The following EYA4 variants were observed in gnomAD, a reference collection of about 807,000 sequenced individuals.
EYA4 encodes the protein EYA transcriptional coactivator and phosphatase 4, also known as protein phosphatase EYA4.
A neutral mutation model predicts 87.9 loss-of-function variants in EYA4; 31 were observed. The ratio of observed to expected loss-of-function variants is 0.35; its 90% CI spans 0.27 to 0.48. The LOEUF (loss-of-function observed/expected upper bound fraction) is 0.48, where lower values mean the gene tolerates loss of function less well. Ranked by LOEUF, EYA4 falls within the 20% of genes least tolerant of loss-of-function variation. The pLI is 0.99. For synonymous variants in EYA4, 263 were observed against 270.6 expected (o/e 0.97, Z 0.28); for missense variants, 678 against 761.4 (o/e 0.89, Z 1.29).
At chr6:133,258,819 C>T (rs879555308) in intron 1 of EYA4, among the ~76,000 whole-genome samples, 2 of 152,134 alleles carry the variant, frequency 1.3e-5, no homozygotes, top group Non-Finnish European at 2.9e-5. Context: ...CAAACCACAT[C>T]TTCCTGTAGC....
chr6:133,528,900 T>C lies in EYA4; in HGVS notation c.*95T>C. 6.2e-7 allele frequency: 1 copy of C among 1,601,892 alleles called. No individual in the cohort carries two copies. The highest frequency in any genetic ancestry group is 8.5e-7 in the Non-Finnish European group (1 of 1,173,014). On this transcript the variant is annotated 3_prime_UTR_variant, in exon 20 of 20. Transcript: ENST00000355286. ...CCTCTGGCTCTACACATATAAATTG[T>C]CTTAATGGATGAAATCATATTTGGA...
chr6:133,481,417 T>G (rs748050638), intron 11 of EYA4, 46 bp from the exon 12 acceptor site: 1 of 1,580,112 alleles, frequency 6.3e-7, no homozygotes, highest in East Asian at 2.2e-5. Flanking sequence ...TCATACTTGA[T>G]CTAAAAATGA....
chr6:133,350,333 G>A (rs1244439994), intron 2 of EYA4, among the ~76,000 whole-genome samples: 1 of 152,092 alleles, frequency 6.6e-6, no homozygotes, highest in Non-Finnish European at 1.5e-5. Context: ...TCGTGAAAAA[G>A]ATAATTTTAC....
At chr6:133,469,253 G>A (rs1022514) in intron 11 of EYA4, among the ~76,000 whole-genome samples, 57,281 of 151,840 alleles carry the variant, frequency 0.38, 11,720 homozygotes, top group African/African-American at 0.54. Context: ...TTTGCGACAC[G>A]TAATTTGACA....
Position 133,276,738 on chromosome 6 carries a change from A to G in EYA4, c.33+1925A>G, listed in dbSNP as rs59519765. Among the ~76,000 whole-genome samples the G allele has an allele frequency of 1.1e-4, 17 of 152,264 alleles. No homozygotes were observed. In the East Asian group the frequency reaches 3.3e-3, roughly 29 times the overall value. On this transcript the variant is annotated intron_variant, in intron 2 of 19. Transcript: ENST00000355286. ...ATTCATCTCATAAATGTGCAAAGAGATGCTTAGAACTGTTAAATGACTTGC... is the reference window on the plus strand; with the variant it reads ...ATTCATCTCATAAATGTGCAAAGAGGTGCTTAGAACTGTTAAATGACTTGC...
chr6:133,371,660 T>G (rs1414010381), intron 2 of EYA4, among the ~76,000 whole-genome samples: 1 of 152,194 alleles, frequency 6.6e-6, no homozygotes, highest in South Asian at 2.1e-4. Context: ...AGTTTCAAAA[T>G]TGTATGATCT....
chr6:133,309,784 A>G (rs893339122), intron 2 of EYA4, among the ~76,000 whole-genome samples: 2 of 152,170 alleles, frequency 1.3e-5, no homozygotes, highest in African/African-American at 4.8e-5. Flanking sequence ...TGGAGAGAAG[A>G]TTGCACAATT....
In EYA4 at chr6:133,286,119, C is replaced by A. The variant is rs190005724; in HGVS notation, c.33+11306C>A. On this transcript the variant is annotated intron_variant, in intron 2 of 19. Coordinates refer to ENST00000355286, the MANE Select transcript of EYA4 (RefSeq NM_004100.5). The stretch of plus-strand genomic sequence containing the variant: ...GGCAGTGAGAAGCCCCAGAATGATT[C>A]TTTGGTCTCTGTGTTCTCCTAGGGT... Among the ~76,000 whole-genome samples, 4 of 152,234 alleles carry A rather than the reference C, an allele frequency of 2.6e-5. No homozygotes were observed. In the East Asian group the frequency reaches 7.7e-4, roughly 29 times the overall value.
intron 2 of EYA4, among the ~76,000 whole-genome samples, chr6:133,374,353 C>A (rs2128468149): frequency 6.6e-6 from 1 of 152,076 alleles, no homozygotes; most frequent in Non-Finnish European, 1.5e-5. Flanking sequence ...CTCCCCCAAA[C>A]CAGGGTCCTG....
chr6:133,307,792 G>A (rs1562272278), intron 2 of EYA4, among the ~76,000 whole-genome samples: 1 of 152,148 alleles, frequency 6.6e-6, no homozygotes, highest in Admixed American at 6.6e-5. Context: ...GGAAATTGAA[G>A]ATTTGAAAGG....
intron 2 of EYA4, among the ~76,000 whole-genome samples, chr6:133,356,512 T>G (rs985887218): frequency 6.6e-6 from 1 of 152,178 alleles, no homozygotes; most frequent in Non-Finnish European, 1.5e-5. Context: ...TTATTATTTA[T>G]TATTTATAAC....
At position 133,528,881 on chromosome 6, in the gene EYA4, G is replaced by A; in HGVS notation, c.*76G>A. ...TTTTATGTGTGATTCAATGCCTCTGGCTCTACACATATAAATTGTCTTAAT... is the reference window on the plus strand; with the variant it reads ...TTTTATGTGTGATTCAATGCCTCTGACTCTACACATATAAATTGTCTTAAT... On this transcript the variant is annotated 3_prime_UTR_variant, in exon 20 of 20. Transcript: ENST00000355286. 6.2e-7 allele frequency: 1 copy of A among 1,609,202 alleles called. No homozygotes were observed. The highest frequency in any genetic ancestry group is 8.5e-7 in the Non-Finnish European group (1 of 1,177,054).
In EYA4 at chr6:133,448,145, G is replaced by A; in HGVS notation, c.243G>A (p.Trp81Ter). ...ENMTVLNTAD[W>*]LLSCNTPSSA... ...TGACTGTTTTAAACACAGCAGACTGGTTGCTGAGTTGCAACACCCCCTCTT... is the reference window on the plus strand; with the variant it reads ...TGACTGTTTTAAACACAGCAGACTGATTGCTGAGTTGCAACACCCCCTCTT... Residue 81 changes from tryptophan (W) to a stop codon, truncating the protein, a stop_gained, in exon 5 of 20, where the codon TGG becomes TGA. Coordinates refer to ENST00000355286, the MANE Select transcript of EYA4 (RefSeq NM_004100.5). LOFTEE classifies it high-confidence loss of function. The A allele has an allele frequency of 1.2e-6, 2 of 1,613,800 alleles. No individual in the cohort carries two copies. The highest frequency in any genetic ancestry group is 1.7e-6 in the Non-Finnish European group (2 of 1,179,744).
At chr6:133,291,219 C>G (rs912138838) in intron 2 of EYA4, among the ~76,000 whole-genome samples, 22 of 151,944 alleles carry the variant, frequency 1.4e-4, no homozygotes, top group African/African-American at 3.4e-4. Context: ...CATTTTGACC[C>G]GGAATTAAAC....
rs766416812 is a variant in EYA4, at chr6:133,340,301, T to C, written c.34-42091T>C. Among the ~76,000 whole-genome samples, 5 of 152,308 alleles carry C rather than the reference T, an allele frequency of 3.3e-5. No individual in the cohort carries two copies. In the East Asian group the frequency reaches 7.7e-4, roughly 24 times the overall value. ...ATCCTGTGTCCTGTTCTTTGCCAAA[T>C]TGATTTTGGACTATCCCTCTGAATG... On this transcript the variant is annotated intron_variant, in intron 2 of 19. Coordinates refer to ENST00000355286, the MANE Select transcript of EYA4 (RefSeq NM_004100.5).
At chr6:133,319,381 G>A (rs1391509135) in intron 2 of EYA4, among the ~76,000 whole-genome samples, 2 of 152,090 alleles carry the variant, frequency 1.3e-5, no homozygotes, top group African/African-American at 4.8e-5. Context: ...CCTATGGATT[G>A]CGCCTTTTTT....
At chr6:133,254,094 C>T (rs1582755002) in intron 1 of EYA4, among the ~76,000 whole-genome samples, 1 of 152,080 alleles carries the variant, frequency 6.6e-6, no homozygotes, top group Admixed American at 6.6e-5. Context: ...TCATTTGTAC[C>T]AAAGTATTAC....
In EYA4 at chr6:133,525,173, A is replaced by G. The variant is rs779528127; in HGVS notation, c.1758A>G (p.Glu586=). 1.2e-5 allele frequency: 20 copies of G among 1,613,788 alleles called. No homozygotes were observed. In the South Asian group the frequency reaches 2.2e-4, roughly 18 times the overall value. ...TTCCAGGAAAAGAAAGTTGCTTTGAACGAATAATGCAAAGGTTTGGCAGAA... is the reference window on the plus strand; with the variant it reads ...TTCCAGGAAAAGAAAGTTGCTTTGAGCGAATAATGCAAAGGTTTGGCAGAA... ...ATKIGKESCF[E]RIMQRFGRKV... Residue 586 remains glutamate (E), a synonymous_variant, in exon 19 of 20, where the codon GAA becomes GAG. Coordinates refer to ENST00000355286, the MANE Select transcript of EYA4 (RefSeq NM_004100.5).
At chr6:133,301,006 A>T (rs1039128155) in intron 2 of EYA4, among the ~76,000 whole-genome samples, 1 of 152,192 alleles carries the variant, frequency 6.6e-6, no homozygotes, top group African/African-American at 2.4e-5. Flanking sequence ...ATCTTGCTAA[A>T]GGCCAACTCT....
Sources: allele counts gnomAD v4.1 joint callset (sites outside exome capture counted in the v4.1 genomes callset), GRCh38; gene constraint gnomAD v4.1.1; transcripts MANE v1.5; gene names NCBI Gene and HGNC (gene_info 2026-07-23, HGNC 2026-07-21).